Variants in SUGCT observed in about 807,000 individuals in gnomAD.
SUGCT encodes the protein succinyl-CoA:glutarate CoA-transferase.
In SUGCT, 41 loss-of-function variants were observed where a neutral mutation model predicts 55.0. The ratio of observed to expected loss-of-function variants is 0.74; its 90% CI spans 0.58 to 0.97. SUGCT has a LOEUF of 0.97. Ranked by LOEUF, SUGCT falls within the 50% of genes least tolerant of loss-of-function variation. The pLI is 0.00. For missense variants in SUGCT, 568 were observed against 547.8 expected, an observed-to-expected ratio of 1.04 and a Z score of -0.37; for synonymous variants, 187 against 200.4, an observed-to-expected ratio of 0.93 and a Z score of 0.56.
At chr7:40,945,768 C>T in the SUGCT span, among the ~76,000 whole-genome samples, 3 of 152,124 alleles carry the variant, frequency 2.0e-5, no homozygotes, top group Non-Finnish European at 2.9e-5. Context: ...AGTAGGAGTC[C>T]CTCCCTGAGG....
At chr7:40,718,879 C>T (rs1786164325) in intron 12 of SUGCT, among the ~76,000 whole-genome samples, 1 of 152,014 alleles carries the variant, frequency 6.6e-6, no homozygotes, top group Admixed American at 6.6e-5. Context: ...TAATCTTTTC[C>T]CACAGACTAT....
the SUGCT span, among the ~76,000 whole-genome samples, chr7:40,886,983 C>T: frequency 1.6e-4 from 24 of 152,266 alleles, no homozygotes; most frequent in East Asian, 2.1e-3. Flanking sequence ...CTCCTACTTC[C>T]GTTTCCCTTG....
At chr7:40,847,778 G>C (rs1362267353) in intron 13 of SUGCT, among the ~76,000 whole-genome samples, 3 of 151,904 alleles carry the variant, frequency 2.0e-5, no homozygotes, top group Non-Finnish European at 2.9e-5. Context: ...AAGGGACAAG[G>C]GTGTGTAATA....
At chr7:40,155,037 A>G (rs1171207364) in intron 1 of SUGCT, among the ~76,000 whole-genome samples, 1 of 152,216 alleles carries the variant, frequency 6.6e-6, no homozygotes, top group Non-Finnish European at 1.5e-5. Context: ...CTGTAATCCC[A>G]TAACTTTGGG....
intron 12 of SUGCT, among the ~76,000 whole-genome samples, chr7:40,726,149 G>A (rs1326899040): frequency 6.6e-6 from 1 of 152,120 alleles, no homozygotes; most frequent in Non-Finnish European, 1.5e-5. Context: ...CGCAGGAACG[G>A]TGTCAGGACA....
At chr7:40,539,337 A>T (rs1794547228) in intron 12 of SUGCT, 1 of 152,162 alleles carries the variant, frequency 6.6e-6, no homozygotes, top group South Asian at 2.1e-4. Flanking sequence ...TTTACTCAAG[A>T]TGATAAAAGA....
At chr7:40,896,668 C>T in the SUGCT span, among the ~76,000 whole-genome samples, 2 of 152,140 alleles carry the variant, frequency 1.3e-5, no homozygotes, top group African/African-American at 4.8e-5. Context: ...TTGTAAGTTT[C>T]CTGAGGCCTC....
At chr7:40,283,458 A>C (rs1202466783) in intron 8 of SUGCT, among the ~76,000 whole-genome samples, 2 of 152,002 alleles carry the variant, frequency 1.3e-5, no homozygotes, top group Non-Finnish European at 2.9e-5. Context: ...TAAACTCCTG[A>C]CCTCAGGTGA....
chr7:40,749,344 A>G (rs1224406583), intron 12 of SUGCT, 90 bp from the exon 13 acceptor site: 1 of 970,094 alleles, frequency 1.0e-6, no homozygotes, highest in Admixed American at 1.7e-5. Context: ...TCTTTCTTTG[A>G]TGTCGACTGA....
At chr7:40,392,627 A>T (rs531780464) in intron 9 of SUGCT, among the ~76,000 whole-genome samples, 1 of 152,204 alleles carries the variant, frequency 6.6e-6, no homozygotes, top group South Asian at 2.1e-4. Context: ...TGACAGAGAG[A>T]TACTGACAGG....
chr7:40,366,924 C>T (rs1301219783), intron 9 of SUGCT, among the ~76,000 whole-genome samples: 4 of 152,078 alleles, frequency 2.6e-5, no homozygotes, highest in Non-Finnish European at 4.4e-5. Flanking sequence ...GGTATATACC[C>T]GAAGGACTAT....
At chr7:40,417,707 C>T (rs1185393783) in intron 9 of SUGCT, among the ~76,000 whole-genome samples, 1 of 105,666 alleles carries the variant, frequency 9.5e-6, no homozygotes, top group African/African-American at 3.2e-5. Flanking sequence ...TATATAAAAT[C>T]TTGTTTGACT....
rs186059817 is a variant in SUGCT at position 40,420,238 on chromosome 7, T to C, written c.817-29049T>C. Among the ~76,000 whole-genome samples, 282 of 152,262 alleles carry C rather than the reference T, an allele frequency of 1.9e-3. 2 individuals carry two copies. The highest frequency in any genetic ancestry group is 3.1e-3 in the Non-Finnish European group (209 of 68,008). On this transcript the variant is annotated intron_variant, in intron 9 of 13. Transcript: ENST00000335693. Reference sequence around the variant, plus strand: ...TTGCTGTTACTAGCTGCAGTGAAAGTGTCTTGAGAGTGGCAGTGGGAAAGG... The same window carrying C: ...TTGCTGTTACTAGCTGCAGTGAAAGCGTCTTGAGAGTGGCAGTGGGAAAGG...
chr7:40,255,088 G>C (rs1003291747), intron 7 of SUGCT, among the ~76,000 whole-genome samples: 1 of 151,152 alleles, frequency 6.6e-6, no homozygotes, highest in African/African-American at 2.4e-5. Context: ...TTAGCCATGC[G>C]TGGTGGCAGT....
intron 12 of SUGCT, among the ~76,000 whole-genome samples, chr7:40,630,312 C>G (rs943773204): frequency 2.0e-5 from 3 of 152,152 alleles, no homozygotes; most frequent in African/African-American, 7.2e-5. Context: ...TCCCGTTGAC[C>G]CTCTGGAAGT....
rs1387318033 is a variant in SUGCT, at chr7:40,819,530, G to C, written c.1154-40786G>C. Among the ~76,000 whole-genome samples the C allele has an allele frequency of 2.0e-5, 3 of 152,130 alleles. No homozygotes were observed. In the South Asian group the frequency reaches 6.2e-4, roughly 32 times the overall value. Reference sequence around the variant, plus strand: ...CCAGTGATGCTGAGCATTTTTTCATGTGTCTTTTGGCTGCATAAATGTCTT... The same window carrying C: ...CCAGTGATGCTGAGCATTTTTTCATCTGTCTTTTGGCTGCATAAATGTCTT... On this transcript the variant is annotated intron_variant, in intron 13 of 13. Transcript: ENST00000335693.
At chr7:40,253,927 G>A (rs1471065974) in intron 7 of SUGCT, among the ~76,000 whole-genome samples, 1 of 152,202 alleles carries the variant, frequency 6.6e-6, no homozygotes, top group African/African-American at 2.4e-5. Context: ...CTTACTTGTT[G>A]GTTGACTGAA....
chr7:40,600,197 C>T (rs1206498739), intron 12 of SUGCT, among the ~76,000 whole-genome samples: 1 of 152,156 alleles, frequency 6.6e-6, no homozygotes, highest in Non-Finnish European at 1.5e-5. Context: ...CCCAAACAAA[C>T]AGAGCAAAAA....
intron 12 of SUGCT, among the ~76,000 whole-genome samples, chr7:40,699,755 G>C (rs1297717525): frequency 6.6e-6 from 1 of 152,068 alleles, no homozygotes; most frequent in Non-Finnish European, 1.5e-5. Context: ...TGTAATCCCA[G>C]CTACTCAGGA....
Sources: gnomAD v4.1 joint callset for allele counts (sites outside exome capture counted in the v4.1 genomes callset) on GRCh38, gnomAD v4.1.1 for gene constraint, MANE v1.5 for transcripts, NCBI Gene and HGNC (gene_info 2026-07-23, HGNC 2026-07-21) for gene names.